ATP2A2: variants seen among roughly 807,000 people sequenced by gnomAD.
ATP2A2 encodes sarcoplasmic/endoplasmic reticulum calcium ATPase 2.
In ATP2A2, 14 loss-of-function variants were observed where a neutral mutation model predicts 109.3. The observed-to-expected ratio is 0.13, with a 90% CI of 0.08 to 0.20. The LOEUF is 0.20. ATP2A2 is among the 10% of genes least tolerant of loss of function. The pLI is 1.00. For missense variants in ATP2A2, 657 were observed against 1,321.6 expected, an observed-to-expected ratio of 0.50 and a Z score of 7.80; for synonymous variants, 506 against 490.9, an observed-to-expected ratio of 1.03 and a Z score of -0.41.
rs150860938 is a variant in ATP2A2 at position 110,337,775 on chromosome 12, CT to C, written c.1420-1504del. Among the ~76,000 whole-genome samples, 1,230 of 152,336 alleles carry C rather than the reference CT, an allele frequency of 8.1e-3. 1 individual carries two copies. The highest frequency in any genetic ancestry group is 9.5e-3 in the Non-Finnish European group (644 of 68,026). ...AGTAGGTGCATATGATGAAACGCATCTTATCACACCAAACTAAGACTATAAA... is the reference window on the plus strand; with the variant it reads ...AGTAGGTGCATATGATGAAACGCATCTATCACACCAAACTAAGACTATAAA... On this transcript the variant is annotated intron_variant, in intron 11 of 19. Coordinates refer to ENST00000539276, the MANE Select transcript of ATP2A2 (RefSeq NM_170665.4).
Position 110,339,568 on chromosome 12 carries a change from G to C in ATP2A2, c.1608G>C (p.Met536Ile), listed in dbSNP as rs1209655648. ...HIRVGSTKVP[M>I]TSGVKQKIMS... ...GAGTTGGAAGTACTAAGGTTCCTAT[G>C]ACCTCTGGAGTCAAACAGAAGATCA... Residue 536 changes from methionine to isoleucine, a missense_variant, in exon 13 of 20, where the codon ATG (methionine) becomes ATC (isoleucine). Transcript: ENST00000539276. This position sits in a 1 kb window ranked among gnomAD's most constrained non-coding sequence, Gnocchi z 4.4. 26 of 1,614,158 alleles carry C rather than the reference G, an allele frequency of 1.6e-5. No individual in the cohort carries two copies. The highest frequency in any genetic ancestry group is 3.3e-4 in the Middle Eastern group (2 of 6,062).
At chr12:110,345,428 A>G (rs1478499476) in intron 18 of ATP2A2, 46 bp downstream of exon 18, 1 of 1,612,428 alleles carries the variant, frequency 6.2e-7, no homozygotes, top group Middle Eastern at 1.7e-4. Context: ...GGTGACTGCC[A>G]GGGCACCGGG....
rs577602550 is a variant in ATP2A2, at chr12:110,343,316, G to C, written c.2403G>C (p.Leu801=). 3 of 1,614,170 alleles carry C rather than the reference G, an allele frequency of 1.9e-6. No homozygotes were observed. Among genetic ancestry groups the C allele is most frequent in the Admixed American group, 3.3e-5 (2 of 60,024 alleles). ...GGGTCAATCTGGTGACAGATGGCCT[G>C]CCTGCCACTGCACTGGGGTTCAACC... ...LLWVNLVTDG[L]PATALGFNPP... The change falls in exon 16 of 20, where the codon CTG becomes CTC. Residue 801 remains leucine, a synonymous_variant. Transcript: ENST00000539276.
intron 8 of ATP2A2, among the ~76,000 whole-genome samples, chr12:110,328,497 C>T (rs1408022884): frequency 1.3e-5 from 2 of 152,044 alleles, no homozygotes; most frequent in Non-Finnish European, 2.9e-5. Flanking sequence ...TGAACCTGGG[C>T]AGCGGAGGTT....
chr12:110,349,051 G>C lies in ATP2A2; in HGVS notation c.*2581G>C, dbSNP rs958461067. On this transcript the variant is annotated 3_prime_UTR_variant, in exon 20 of 20. Transcript: ENST00000539276. The stretch of plus-strand genomic sequence containing the variant: ...TTAGCTTCATGGTTTCTCAGCTTCA[G>C]ACCCCTCCAGCCCACAGAGGAGCCC... 1 of 985,340 alleles carries C rather than the reference G, an allele frequency of 1.0e-6. No homozygotes were observed. The highest frequency in any genetic ancestry group is 1.7e-5 in the African/African-American group (1 of 57,216). The allele number at this position is 985,340 out of a possible 1,614,324, so 61.0% of individuals were successfully genotyped here.
chr12:110,292,166 G>C (rs1435362444), intron 4 of ATP2A2, 42 bp downstream of exon 4: 1 of 1,376,696 alleles, frequency 7.3e-7, no homozygotes, highest in South Asian at 1.2e-5. Context: ...AATAAGTTAT[G>C]TAAGTGATTA....
In ATP2A2 at chr12:110,346,391, C is replaced by G. The variant is rs779836695; in HGVS notation, c.3050C>G (p.Pro1017Arg). ...GCATGCACCGATGGGATTTCCTGGC[C>G]GTTTGTGCTGCTCATAATGCCCCTG... ...FSACTDGISW[P>R]FVLLIMPLVI... The change falls in exon 20 of 20, where the codon CCG (proline) becomes CGG (arginine). Residue 1017 changes from proline (P) to arginine (R), a missense_variant. Transcript: ENST00000539276. 3 of 1,614,152 alleles carry G rather than the reference C, an allele frequency of 1.9e-6. No homozygotes were observed. Among genetic ancestry groups the G allele is most frequent in the Non-Finnish European group, 2.5e-6 (3 of 1,180,032 alleles).
At chr12:110,284,397 CA>C (rs1208005960) in intron 3 of ATP2A2, among the ~76,000 whole-genome samples, 2 of 152,166 alleles carry the variant, frequency 1.3e-5, no homozygotes, top group African/African-American at 4.8e-5. Flanking sequence ...CAGCTGACTA[CA>C]AGCCAGAAGC....
chr12:110,347,570 G>GT lies in ATP2A2; in HGVS notation c.*1101dup, dbSNP rs1879997847. On this transcript the variant is annotated 3_prime_UTR_variant, in exon 20 of 20. Transcript: ENST00000539276. ...AGAGAACATAAGGGCAAGTGTGTAT[G>GT]TGTGTGTATGTGTGTGTTTTGTAAA... 1 of 1,251,972 alleles carries GT rather than the reference G, an allele frequency of 8.0e-7. No individual in the cohort carries two copies. The highest frequency in any genetic ancestry group is 2.6e-5 in the Admixed American group (1 of 38,848). The allele number at this position is 1,251,972 out of a possible 1,614,324, so 77.6% of individuals were successfully genotyped here. A position where few individuals can be genotyped will look rare whatever the true frequency, so the allele number is the denominator to read the frequency against.
Position 110,350,486 on chromosome 12 carries a change from T to G in ATP2A2, c.*4016T>G, listed in dbSNP as rs1368010649. Reference sequence around the variant, plus strand: ...TGTATTACCAATGGGGTTGTTAGCTTTTAAATCAAAATACTGATTACAGAT... The same window carrying G: ...TGTATTACCAATGGGGTTGTTAGCTGTTAAATCAAAATACTGATTACAGAT... On this transcript the variant is annotated 3_prime_UTR_variant, in exon 20 of 20. Transcript: ENST00000539276. 2.1e-6 allele frequency: 2 copies of G among 937,634 alleles called. No homozygotes were observed. The highest frequency in any genetic ancestry group is 3.2e-6 in the Non-Finnish European group (2 of 616,684). The allele number at this position is 937,634 out of a possible 1,614,324, so 58.1% of individuals were successfully genotyped here.
At chr12:110,305,903 T>C (rs1221719348) in intron 5 of ATP2A2, among the ~76,000 whole-genome samples, 1 of 151,738 alleles carries the variant, frequency 6.6e-6, no homozygotes, top group Non-Finnish European at 1.5e-5. Context: ...TTAAGGTCTG[T>C]CATTTCTTTC....
At chr12:110,332,312 CTT>C (rs1878412885) in intron 8 of ATP2A2, 1 of 428,772 alleles carries the variant, frequency 2.3e-6, no homozygotes, top group South Asian at 2.2e-5. Flanking sequence ...GTTGTTGTGT[CTT>C]TGGTGCCACT....
intron 4 of ATP2A2, among the ~76,000 whole-genome samples, chr12:110,295,558 G>A (rs535544307): frequency 3.2e-4 from 49 of 152,248 alleles, no homozygotes; most frequent in African/African-American, 1.1e-3. Flanking sequence ...ATCTTGAAGG[G>A]TAAGAATGTC....
chr12:110,325,292 CAT>C (rs1877669731), intron 6 of ATP2A2, among the ~76,000 whole-genome samples: 1 of 152,006 alleles, frequency 6.6e-6, no homozygotes, highest in South Asian at 2.1e-4. Context: ...CATTTAGAGA[CAT>C]ATTTTACTCA....
chr12:110,305,536 C>G lies in ATP2A2; in HGVS notation c.463+8799C>G, dbSNP rs889916152. Among the ~76,000 whole-genome samples, 13 of 152,328 alleles carry G rather than the reference C, an allele frequency of 8.5e-5. No individual in the cohort carries two copies. In the South Asian group the frequency reaches 1.0e-3, roughly 12 times the overall value. On this transcript the variant is annotated intron_variant, in intron 5 of 19. Coordinates refer to ENST00000539276, the MANE Select transcript of ATP2A2 (RefSeq NM_170665.4). ...TTTCTTCACTAATTTGTCCTGCAACCTTTGTGAAAAATTAATTTACAAATG... is the reference window on the plus strand; with the variant it reads ...TTTCTTCACTAATTTGTCCTGCAACGTTTGTGAAAAATTAATTTACAAATG...
In ATP2A2 at chr12:110,306,224, A is replaced by G. The variant is rs543869494; in HGVS notation, c.463+9487A>G. 2.0e-5 allele frequency among the ~76,000 whole-genome samples: 3 copies of G among 152,282 alleles called. No individual in the cohort carries two copies. The South Asian group carries it at 6.2e-4, about 32-fold the overall frequency. Reference sequence around the variant, plus strand: ...CAGCTAATGTTTTTGTATTTTTAGTAGAGACAGGGTTTCACCATGTTAGCC... The same window carrying G: ...CAGCTAATGTTTTTGTATTTTTAGTGGAGACAGGGTTTCACCATGTTAGCC... On this transcript the variant is annotated intron_variant, in intron 5 of 19. Coordinates refer to ENST00000539276, the MANE Select transcript of ATP2A2 (RefSeq NM_170665.4).
chr12:110,323,103 C>T, intron 6 of ATP2A2, 31 bp downstream of exon 6: 1 of 1,531,430 alleles, frequency 6.5e-7, no homozygotes, highest in South Asian at 1.1e-5. Flanking sequence ...CATTGAATTT[C>T]TGAAGACCTT....
intron 3 of ATP2A2, among the ~76,000 whole-genome samples, chr12:110,286,810 G>T (rs1056247764): frequency 6.6e-6 from 1 of 151,664 alleles, no homozygotes; most frequent in African/African-American, 2.4e-5. Context: ...ATGTGCTTAT[G>T]ATCTTTTTAA....
chr12:110,341,403 C>T (rs954144738), intron 14 of ATP2A2, among the ~76,000 whole-genome samples: 1 of 151,852 alleles, frequency 6.6e-6, no homozygotes, highest in Non-Finnish European at 1.5e-5. Flanking sequence ...CACCCAGATA[C>T]ATTATGTTAA....
Sources: allele counts gnomAD v4.1 joint callset (sites outside exome capture counted in the v4.1 genomes callset), GRCh38; gene constraint gnomAD v4.1.1; non-coding constraint Gnocchi (gnomAD v3.1); transcripts MANE v1.5; gene names NCBI Gene and HGNC (gene_info 2026-07-23, HGNC 2026-07-21).